The following PCSK5 variants were observed in gnomAD, a reference collection of about 807,000 sequenced individuals.
PCSK5 encodes prohormone convertase 5.
Under a neutral mutation model 233.2 loss-of-function variants are expected in PCSK5, and 129 were observed. The observed-to-expected ratio is 0.55, with a 90% CI of 0.48 to 0.64. The LOEUF is 0.64. Among genes scored for constraint, PCSK5 ranks in the 30% least tolerant of loss-of-function variants. The probability of loss-of-function intolerance (pLI) is 0.00; values close to 1 mark genes in which losing one functional copy is unlikely to be tolerated. For missense variants in PCSK5, 2,076 were observed against 2,430.1 expected (o/e 0.85, Z 3.06); for synonymous variants, 825 against 879.2 (o/e 0.94, Z 1.09).
chr9:76,296,399 C>T (rs564578858), intron 26 of PCSK5, among the ~76,000 whole-genome samples: 85 of 152,186 alleles, frequency 5.6e-4, no homozygotes, highest in Admixed American at 4.6e-3. Context: ...ATATATAAGC[C>T]GTGCGTGGTG....
intron 7 of PCSK5, among the ~76,000 whole-genome samples, chr9:76,080,956 GAAGGT>G (rs1178223016): frequency 6.6e-6 from 1 of 152,114 alleles, no homozygotes; most frequent in Non-Finnish European, 1.5e-5. Flanking sequence ...AACCCTTACA[GAAGGT>G]CATTATATAA....
intron 2 of PCSK5, among the ~76,000 whole-genome samples, chr9:75,952,659 C>T (rs10115135): frequency 0.77 from 117,684 of 152,066 alleles, 45,937 homozygotes; most frequent in East Asian, 0.84. Context: ...CATTGATCTG[C>T]TTTCCGGACC....
At chr9:76,097,346 G>A (rs1217804892) in intron 8 of PCSK5, among the ~76,000 whole-genome samples, 4 of 123,000 alleles carry the variant, frequency 3.3e-5, no homozygotes, top group Admixed American at 2.9e-4. Flanking sequence ...TGCAAGCTCC[G>A]CTTCCCGGGT....
intron 5 of PCSK5, among the ~76,000 whole-genome samples, chr9:76,038,878 G>T (rs928723918): frequency 6.6e-6 from 1 of 152,070 alleles, no homozygotes; most frequent in South Asian, 2.1e-4. Flanking sequence ...CAGCAACTGG[G>T]GTTTAATTCT....
In PCSK5 at chr9:76,312,802, A is replaced by AATTGAT. The variant is rs375672724; in HGVS notation, c.3884+1970_3884+1975dup. Among the ~76,000 whole-genome samples the AATTGAT allele has an allele frequency of 5.7e-3, 863 of 152,148 alleles. 7 individuals are homozygous for AATTGAT. Among genetic ancestry groups the AATTGAT allele is most frequent in the Non-Finnish European group, 8.1e-3 (552 of 68,002 alleles). On this transcript the variant is annotated intron_variant, in intron 30 of 37. Coordinates refer to ENST00000674117, the MANE Select transcript of PCSK5 (RefSeq NM_001372043.1). ...CAGTGGAGTCTATTCTTCTACCAAC[A>AATTGAT]ATTGATATTGATATTGATATTGATG...
chr9:75,948,566 G>A (rs1270547998), intron 2 of PCSK5, among the ~76,000 whole-genome samples: 1 of 152,030 alleles, frequency 6.6e-6, no homozygotes, highest in Non-Finnish European at 1.5e-5. Flanking sequence ...ATCATCGATG[G>A]ACATTTGGGT....
intron 2 of PCSK5, among the ~76,000 whole-genome samples, chr9:75,968,328 C>T (rs750850790): frequency 6.6e-6 from 1 of 152,218 alleles, no homozygotes; most frequent in Non-Finnish European, 1.5e-5. Flanking sequence ...AAGTATATCA[C>T]AGGGTCCTGT....
intron 10 of PCSK5, among the ~76,000 whole-genome samples, chr9:76,151,187 A>G (rs1000493858): frequency 5.3e-5 from 8 of 152,250 alleles, no homozygotes; most frequent in African/African-American, 1.9e-4. Context: ...ATTTCAGAGC[A>G]GGTGGTTCAG....
At chr9:76,222,033 CT>C (rs967118053) in intron 20 of PCSK5, among the ~76,000 whole-genome samples, 1 of 152,198 alleles carries the variant, frequency 6.6e-6, no homozygotes, top group African/African-American at 2.4e-5. Flanking sequence ...ATGTAGAACC[CT>C]CTTTCTAGCT....
Position 76,068,081 on chromosome 9 carries a change from C to A in PCSK5, c.721+38C>A, listed in dbSNP as rs1387263034. The A allele has an allele frequency of 2.8e-6, 4 of 1,430,940 alleles. No individual in the cohort carries two copies. In the Admixed American group the frequency reaches 6.7e-5, roughly 24 times the overall value. The allele number at this position is 1,430,940 out of a possible 1,614,324, so 88.6% of individuals were successfully genotyped here. On this transcript the variant is annotated intron_variant, in intron 6 of 37. Coordinates refer to ENST00000674117, the MANE Select transcript of PCSK5 (RefSeq NM_001372043.1). ...AACTCACGTGGATGTAGAAATGCGC[C>A]AGTTAGCTCTTTGGCTGACTGGCTT... is the stretch of plus-strand genomic sequence containing the variant.
chr9:75,997,002 A>T (rs921868606), intron 3 of PCSK5, among the ~76,000 whole-genome samples: 6 of 151,570 alleles, frequency 4.0e-5, no homozygotes, highest in African/African-American at 7.3e-5. Flanking sequence ...TTTACTTTTC[A>T]CTCAGTATTG....
intron 24 of PCSK5, among the ~76,000 whole-genome samples, chr9:76,276,503 ACT>A (rs572009719): frequency 1.7e-3 from 250 of 151,508 alleles, no homozygotes; most frequent in African/African-American, 5.4e-3. Flanking sequence ...TCACCTCCTG[ACT>A]CTCTCCCTTT....
rs2131542515 is a variant in PCSK5 at position 76,362,016 on chromosome 9, C to T, written c.*3094C>T. ...GATTGGTTGAGGTTGAGATGAACTTCAATACTAAGAAAAATTGTGGTGTTC... is the reference window on the plus strand; with the variant it reads ...GATTGGTTGAGGTTGAGATGAACTTTAATACTAAGAAAAATTGTGGTGTTC... On this transcript the variant is annotated 3_prime_UTR_variant, in exon 38 of 38. Coordinates refer to ENST00000674117, the MANE Select transcript of PCSK5 (RefSeq NM_001372043.1). The T allele has an allele frequency of 6.6e-6, 1 of 152,234 alleles. No individual in the cohort carries two copies. The highest frequency in any genetic ancestry group is 6.5e-5 in the Admixed American group (1 of 15,270). The allele number at this position is 152,234 out of a possible 1,614,324, so 9.4% of individuals were successfully genotyped here.
chr9:76,252,276 A>AAT (rs1826837126), intron 24 of PCSK5, among the ~76,000 whole-genome samples: 2 of 148,032 alleles, frequency 1.4e-5, no homozygotes, highest in African/African-American at 5.3e-5. Context: ...GTCTCAGAAA[A>AAT]AATAATAATA....
In PCSK5 at chr9:75,932,452, G is replaced by A; in HGVS notation, c.266G>A (p.Gly89Glu). 6.2e-7 allele frequency: 1 copy of A among 1,612,530 alleles called. No individual in the cohort carries two copies. The highest frequency in any genetic ancestry group is 8.5e-7 in the Non-Finnish European group (1 of 1,178,626). ...TIKRSVISSR[G>E]THSFISMEPK... is the part of the protein sequence containing the mutation. ...AAAAGGTCAGTTATCTCGAGCAGAGGGACCCACAGTTTCATTTCAATGGAA... is the reference window on the plus strand; with the variant it reads ...AAAAGGTCAGTTATCTCGAGCAGAGAGACCCACAGTTTCATTTCAATGGAA... The change falls in exon 2 of 38, where the codon GGG becomes GAG. Residue 89 changes from glycine (G) to glutamate (E), a missense_variant. Transcript: ENST00000674117.
chr9:76,300,787 G>T (rs144697431), intron 27 of PCSK5, among the ~76,000 whole-genome samples: 1 of 152,086 alleles, frequency 6.6e-6, no homozygotes, highest in African/African-American at 2.4e-5. Context: ...GTCCTTCTCT[G>T]TAAAGTGAAA....
In PCSK5 at chr9:76,323,098, C is replaced by T. The variant is rs1427968429; in HGVS notation, c.4149C>T (p.Ser1383=). 59 of 1,610,658 alleles carry T rather than the reference C, an allele frequency of 3.7e-5. No homozygotes were observed. Among genetic ancestry groups the T allele is most frequent in the Non-Finnish European group, 4.8e-5 (57 of 1,178,894 alleles). The change falls in exon 32 of 38, where the codon TCC becomes TCT. Residue 1383 remains serine (S), a synonymous_variant. Transcript: ENST00000674117. ...FFLHDDMCHQ[S]CPRGFYADSR... is the part of the protein sequence containing the mutation. ...TGCACGATGATATGTGCCACCAGTC[C>T]TGTCCCCGTGGCTTCTATGCAGACT... is the stretch of plus-strand genomic sequence containing the variant.
intron 20 of PCSK5, among the ~76,000 whole-genome samples, chr9:76,209,861 G>C (rs1032222640): frequency 6.6e-6 from 1 of 151,944 alleles, no homozygotes; most frequent in South Asian, 2.1e-4. Context: ...AGCACAGAAA[G>C]AATTAATTCA....
intron 30 of PCSK5, among the ~76,000 whole-genome samples, chr9:76,313,707 C>T (rs1048422010): frequency 2.0e-5 from 3 of 152,152 alleles, no homozygotes; most frequent in Non-Finnish European, 2.9e-5. Flanking sequence ...AAAGACAAAA[C>T]ATGTTTTTTT....
Sources: allele counts gnomAD v4.1 joint callset (sites outside exome capture counted in the v4.1 genomes callset), GRCh38; gene constraint gnomAD v4.1.1; transcripts MANE v1.5; gene names NCBI Gene and HGNC (gene_info 2026-07-23, HGNC 2026-07-21).